Variants in ABAT observed in about 807,000 individuals in gnomAD.
ABAT encodes 4-aminobutyrate aminotransferase, mitochondrial.
Under a neutral mutation model 64.6 loss-of-function variants are expected in ABAT, and 45 were observed. The observed-to-expected ratio is 0.70, with a 90% CI of 0.55 to 0.89. ABAT has a LOEUF of 0.89. Among genes scored for constraint, ABAT ranks in the 40% least tolerant of loss-of-function variants. The pLI is 0.00. For synonymous variants in ABAT, 297 were observed against 250.5 expected, an observed-to-expected ratio of 1.19 and a Z score of -1.75; for missense variants, 633 against 658.4, an observed-to-expected ratio of 0.96 and a Z score of 0.42.
At chr16:8,730,711 G>A (rs1224227463) in intron 1 of ABAT, among the ~76,000 whole-genome samples, 5 of 152,078 alleles carry the variant, frequency 3.3e-5, no homozygotes, top group African/African-American at 1.2e-4. Flanking sequence ...CCCAAGCCAG[G>A]GCTGCATGAG....
In ABAT at chr16:8,764,563, T is replaced by G. The variant is rs1454574508; in HGVS notation, c.448-175T>G. The stretch of plus-strand genomic sequence containing the variant: ...GCCAGCCTCAGGGCCTCCCTGGGCT[T>G]CTCCGCCACCCCTGGAAAAGCCTGA... On this transcript the variant is annotated intron_variant, in intron 7 of 15. Coordinates refer to ENST00000268251, the MANE Select transcript of ABAT (RefSeq NM_020686.6). The surrounding 1 kb of genome is among the most constrained non-coding windows in gnomAD (Gnocchi z 4.2). 2.6e-5 allele frequency among the ~76,000 whole-genome samples: 4 copies of G among 152,082 alleles called. No individual in the cohort carries two copies. Among genetic ancestry groups the G allele is most frequent in the African/African-American group, 9.7e-5 (4 of 41,410 alleles).
chr16:8,727,027 T>C (rs1167143103), intron 1 of ABAT, among the ~76,000 whole-genome samples: 1 of 152,244 alleles, frequency 6.6e-6, no homozygotes, highest in Non-Finnish European at 1.5e-5. Flanking sequence ...TGTCCATTTT[T>C]TGATCGAATT....
chr16:8,695,056 A>C (rs2057671540), intron 1 of ABAT, among the ~76,000 whole-genome samples: 1 of 152,224 alleles, frequency 6.6e-6, no homozygotes, highest in Non-Finnish European at 1.5e-5. Flanking sequence ...ATGACCCTTT[A>C]GTACCTGGGG....
At position 8,746,617 on chromosome 16, in the gene ABAT, G is replaced by A. The variant is rs182891414; in HGVS notation, c.168+519G>A. ...GCTGGTCTTGAAGTCCTGACCTCAAGTGATCCACCCGCGTCAACCTCTCAA... is the reference window on the plus strand; with the variant it reads ...GCTGGTCTTGAAGTCCTGACCTCAAATGATCCACCCGCGTCAACCTCTCAA... On this transcript the variant is annotated intron_variant, in intron 3 of 15. Coordinates refer to ENST00000268251, the MANE Select transcript of ABAT (RefSeq NM_020686.6). Among the ~76,000 whole-genome samples the A allele has an allele frequency of 5.9e-5, 9 of 151,750 alleles. No individual in the cohort carries two copies. In the East Asian group the frequency reaches 1.8e-3, roughly 30 times the overall value.
At chr16:8,765,598 G>A (rs1470308245) in intron 8 of ABAT, among the ~76,000 whole-genome samples, 3 of 151,770 alleles carry the variant, frequency 2.0e-5, no homozygotes, top group African/African-American at 4.8e-5. Flanking sequence ...CTGGGAGGTC[G>A]AGGCTGCAGT....
At chr16:8,708,430 A>C (rs2057997002) in intron 1 of ABAT, among the ~76,000 whole-genome samples, 1 of 151,906 alleles carries the variant, frequency 6.6e-6, no homozygotes, top group Non-Finnish European at 1.5e-5. Context: ...TATTTTCTGT[A>C]GAGACAGGGA....
At chr16:8,697,916 C>T (rs1038522531) in intron 1 of ABAT, among the ~76,000 whole-genome samples, 1 of 152,142 alleles carries the variant, frequency 6.6e-6, no homozygotes, top group African/African-American at 2.4e-5. Flanking sequence ...GGATCACAGG[C>T]GTGAGCCACC....
At chr16:8,726,028 T>A (rs954020873) in intron 1 of ABAT, among the ~76,000 whole-genome samples, 1 of 152,002 alleles carries the variant, frequency 6.6e-6, no homozygotes, top group Non-Finnish European at 1.5e-5. Flanking sequence ...GACCCTTCTA[T>A]TCTTTCTAAT....
chr16:8,697,540 G>T (rs577487487), intron 1 of ABAT, among the ~76,000 whole-genome samples: 2 of 152,272 alleles, frequency 1.3e-5, no homozygotes, highest in South Asian at 4.1e-4. Context: ...TGCAGTCAGT[G>T]CCTGGGTTCA....
intron 11 of ABAT, 120 bp from the exon 12 acceptor site, chr16:8,772,660 A>G: frequency 7.2e-7 from 1 of 1,383,178 alleles, no homozygotes; most frequent in South Asian, 1.2e-5. Context: ...GGTCTTAGGA[A>G]ATGCACACAA....
intron 5 of ABAT, among the ~76,000 whole-genome samples, chr16:8,755,530 G>C (rs2059624534): frequency 6.6e-6 from 1 of 152,180 alleles, no homozygotes; most frequent in African/African-American, 2.4e-5. Flanking sequence ...GCCCTGTTGT[G>C]CTCCAACCTT....
intron 6 of ABAT, 137 bp downstream of exon 6, chr16:8,757,943 A>C (rs1274156148): frequency 9.6e-7 from 1 of 1,036,352 alleles, no homozygotes; most frequent in Non-Finnish European, 1.5e-6. Context: ...ACTATGTGCC[A>C]GGTATGTGGC....
At chr16:8,699,265 A>C (rs1446024347) in intron 1 of ABAT, among the ~76,000 whole-genome samples, 1 of 152,198 alleles carries the variant, frequency 6.6e-6, no homozygotes, top group Non-Finnish European at 1.5e-5. Flanking sequence ...CATCTTTGGA[A>C]TGTACAAATG....
intron 1 of ABAT, among the ~76,000 whole-genome samples, chr16:8,690,302 C>A (rs976856520): frequency 6.6e-6 from 1 of 152,200 alleles, no homozygotes; most frequent in African/African-American, 2.4e-5. Context: ...AGCCGCAGTG[C>A]TGTGAACTTG....
At chr16:8,733,085 C>T (rs1413621767) in intron 1 of ABAT, among the ~76,000 whole-genome samples, 4 of 144,862 alleles carry the variant, frequency 2.8e-5, no homozygotes, top group African/African-American at 5.6e-5. Flanking sequence ...CTGACCCCCC[C>T]ACCTCCCTCC....
At chr16:8,682,109 G>A (rs1286230566) in intron 1 of ABAT, among the ~76,000 whole-genome samples, 2 of 151,480 alleles carry the variant, frequency 1.3e-5, no homozygotes, top group Non-Finnish European at 2.9e-5. Flanking sequence ...ATTGCCCCTG[G>A]TTGAGAATCA....
chr16:8,741,074 ACT>A (rs1175074317), intron 2 of ABAT, among the ~76,000 whole-genome samples: 7 of 152,262 alleles, frequency 4.6e-5, no homozygotes, highest in Admixed American at 4.6e-4. Context: ...CTAAAAATAG[ACT>A]CTGGCTTGGC....
intron 1 of ABAT, among the ~76,000 whole-genome samples, chr16:8,706,487 G>T (rs1018636789): frequency 1.3e-5 from 2 of 151,738 alleles, no homozygotes; most frequent in African/African-American, 2.4e-5. Context: ...GCTGAGGTGG[G>T]TGGATCACTT....
At chr16:8,676,735 C>G (rs79964726) in intron 1 of ABAT, among the ~76,000 whole-genome samples, 1,659 of 152,296 alleles carry the variant, frequency 0.011, 40 homozygotes, top group African/African-American at 0.038. Flanking sequence ...GGGTTTGCTC[C>G]AAGAACTTTG....
Sources: allele counts gnomAD v4.1 joint callset (sites outside exome capture counted in the v4.1 genomes callset), GRCh38; gene constraint gnomAD v4.1.1; non-coding constraint Gnocchi (gnomAD v3.1); transcripts MANE v1.5; gene names NCBI Gene and HGNC (gene_info 2026-07-23, HGNC 2026-07-21).